Variants in CALCRL observed in about 807,000 individuals in gnomAD.
The protein encoded by CALCRL is calcitonin receptor like receptor.
Under a neutral mutation model 60.4 loss-of-function variants are expected in CALCRL, and 27 were observed. The ratio of observed to expected loss-of-function variants is 0.45; its 90% CI spans 0.33 to 0.62. The LOEUF is 0.62. Ranked by LOEUF, CALCRL falls within the 20% of genes least tolerant of loss-of-function variation. The probability of loss-of-function intolerance (pLI) is 0.03; values close to 1 mark genes in which losing one functional copy is unlikely to be tolerated. For synonymous variants in CALCRL, 190 were observed against 182.6 expected, an observed-to-expected ratio of 1.04 and a Z score of -0.33; for missense variants, 424 against 540.7, an observed-to-expected ratio of 0.78 and a Z score of 2.14.
At chr2:187,379,314 A>G (rs1322510510) in intron 7 of CALCRL, among the ~76,000 whole-genome samples, 1 of 152,118 alleles carries the variant, frequency 6.6e-6, no homozygotes, top group South Asian at 2.1e-4. Flanking sequence ...TCTATGAGGC[A>G]AAACTTTTAT....
chr2:187,431,708 T>A (rs1690415228), intron 1 of CALCRL, among the ~76,000 whole-genome samples: 1 of 151,698 alleles, frequency 6.6e-6, no homozygotes, highest in African/African-American at 2.4e-5. Context: ...GGCTCTGGTC[T>A]ACAGGCTGGG....
intron 1 of CALCRL, among the ~76,000 whole-genome samples, chr2:187,440,645 C>T (rs1018847905): frequency 3.9e-5 from 6 of 152,102 alleles, no homozygotes; most frequent in African/African-American, 1.4e-4. Context: ...TGGAAAATTA[C>T]ACATTTAATG....
intron 9 of CALCRL, among the ~76,000 whole-genome samples, 199 bp from the exon 10 acceptor site, chr2:187,360,950 T>G (rs2105727985): frequency 6.6e-6 from 1 of 152,130 alleles, no homozygotes. Context: ...CTCCAAAGAT[T>G]GATAATGGTA....
chr2:187,370,943 G>C (rs1462690914), intron 8 of CALCRL, among the ~76,000 whole-genome samples: 1 of 152,140 alleles, frequency 6.6e-6, no homozygotes, highest in Non-Finnish European at 1.5e-5. Flanking sequence ...TTTGGAGATA[G>C]ACCCAATAAA....
At chr2:187,372,125 C>T (rs1687552261) in intron 8 of CALCRL, among the ~76,000 whole-genome samples, 1 of 151,430 alleles carries the variant, frequency 6.6e-6, no homozygotes. Context: ...TGAATGTTAG[C>T]AAAGACGTTC....
intron 8 of CALCRL, among the ~76,000 whole-genome samples, chr2:187,366,812 AT>A (rs895564730): frequency 2.6e-5 from 4 of 151,162 alleles, no homozygotes; most frequent in Non-Finnish European, 1.5e-5. Context: ...TCAGAATTCC[AT>A]TTTTTTTACC....
chr2:187,428,648 T>A, intron 1 of CALCRL: 1 of 152,258 alleles, frequency 6.6e-6, no homozygotes, highest in African/African-American at 2.4e-5. Context: ...AATCCCAGCA[T>A]TTTGGGAGGC....
chr2:187,379,314 A>C (rs1322510510), intron 7 of CALCRL, among the ~76,000 whole-genome samples: 1 of 152,118 alleles, frequency 6.6e-6, no homozygotes, highest in Non-Finnish European at 1.5e-5. Flanking sequence ...TCTATGAGGC[A>C]AAACTTTTAT....
intron 9 of CALCRL, 147 bp from the exon 10 acceptor site, chr2:187,360,898 C>T: frequency 1.6e-6 from 1 of 632,584 alleles, no homozygotes; most frequent in Middle Eastern, 4.1e-4. Context: ...GAATGCCAGT[C>T]TTCGTATTCA....
chr2:187,416,035 C>G lies in CALCRL; in HGVS notation c.-292-28279G>C, dbSNP rs113957354. On this transcript the variant is annotated intron_variant, in intron 1 of 14. Transcript: ENST00000392370. Reference sequence around the variant, plus strand: ...TCGTCATGTACCATCAACAAAGTCCCTTGTGCTCAGCCAATAATAATAATA... The same window carrying G: ...TCGTCATGTACCATCAACAAAGTCCGTTGTGCTCAGCCAATAATAATAATA... 5.5e-3 allele frequency among the ~76,000 whole-genome samples: 834 copies of G among 152,204 alleles called. 10 individuals carry two copies. Among genetic ancestry groups the G allele is most frequent in the African/African-American group, 0.019 (776 of 41,516 alleles).
At chr2:187,419,064 C>T (rs1055259903) in intron 1 of CALCRL, among the ~76,000 whole-genome samples, 1 of 125,526 alleles carries the variant, frequency 8.0e-6, no homozygotes, top group Non-Finnish European at 1.6e-5. Context: ...TTAGTAGAGA[C>T]GGGTTTCACC....
At chr2:187,439,094 A>C (rs1208376287) in intron 1 of CALCRL, among the ~76,000 whole-genome samples, 1 of 152,140 alleles carries the variant, frequency 6.6e-6, no homozygotes, top group Non-Finnish European at 1.5e-5. Flanking sequence ...ATATACAGGC[A>C]CTTATCTAGG....
intron 1 of CALCRL, among the ~76,000 whole-genome samples, chr2:187,395,530 C>T (rs566133757): frequency 3.9e-5 from 6 of 152,090 alleles, no homozygotes; most frequent in African/African-American, 1.2e-4. Flanking sequence ...TTAAAAAATG[C>T]GTTTTAAATG....
Position 187,341,990 on chromosome 2 carries a change from CAA to C in CALCRL, c.*4192_*4193del, listed in dbSNP as rs2105667091. Among the ~76,000 whole-genome samples, 1 of 151,490 alleles carries C rather than the reference CAA, an allele frequency of 6.6e-6. No individual in the cohort carries two copies. The highest frequency in any genetic ancestry group is 1.9e-4 in the East Asian group (1 of 5,150). Reference sequence around the variant, plus strand: ...TTATAGGTATATTATTTATAATAACCAAAAGGTAAAAGCAAAACAAACATATC... The same window carrying C: ...TTATAGGTATATTATTTATAATAACCAAGGTAAAAGCAAAACAAACATATC... On this transcript the variant is annotated 3_prime_UTR_variant, in exon 15 of 15. Coordinates refer to ENST00000392370, the MANE Select transcript of CALCRL (RefSeq NM_005795.6).
Position 187,352,243 on chromosome 2 carries a change from T to A in CALCRL, c.999A>T (p.Lys333Asn). ...CCAAGATAAGAGTAGCTCTCACAGCTTTCATGTACAGATTGGATTCCGCTT... is the reference window on the plus strand; with the variant it reads ...CCAAGATAAGAGTAGCTCTCACAGCATTCATGTACAGATTGGATTCCGCTT... ...THQAESNLYM[K>N]AVRATLILVP... Residue 333 changes from lysine (K) to asparagine (N), a missense_variant, in exon 13 of 15, where the codon AAA (lysine) becomes AAT (asparagine). Coordinates refer to ENST00000392370, the MANE Select transcript of CALCRL (RefSeq NM_005795.6). The A allele has an allele frequency of 1.2e-6, 2 of 1,612,366 alleles. No individual in the cohort carries two copies. The highest frequency in any genetic ancestry group is 8.5e-7 in the Non-Finnish European group (1 of 1,178,868).
chr2:187,384,529 C>T (rs1688129027), intron 4 of CALCRL, among the ~76,000 whole-genome samples: 1 of 152,176 alleles, frequency 6.6e-6, no homozygotes. Context: ...GCAGCTCGCT[C>T]AGTGGAGGGT....
intron 14 of CALCRL, among the ~76,000 whole-genome samples, chr2:187,347,189 A>T (rs918242415): frequency 2.6e-5 from 4 of 151,776 alleles, no homozygotes; most frequent in Admixed American, 6.6e-5. Context: ...CACAAGAGTG[A>T]ATTTTCTTCA....
intron 1 of CALCRL, among the ~76,000 whole-genome samples, chr2:187,433,164 T>C (rs1690474166): frequency 6.6e-6 from 1 of 152,130 alleles, no homozygotes; most frequent in African/African-American, 2.4e-5. Context: ...GGCATACATA[T>C]GAAATTTACC....
chr2:187,432,276 G>A (rs1488020501), intron 1 of CALCRL, among the ~76,000 whole-genome samples: 1 of 152,070 alleles, frequency 6.6e-6, no homozygotes, highest in Non-Finnish European at 1.5e-5. Flanking sequence ...GCAAGACATA[G>A]CTAGTTTACC....
Sources: gnomAD v4.1 joint callset for allele counts (sites outside exome capture counted in the v4.1 genomes callset) on GRCh38, gnomAD v4.1.1 for gene constraint, MANE v1.5 for transcripts, NCBI Gene and HGNC (gene_info 2026-07-23, HGNC 2026-07-21) for gene names.